ATP8B4: variants seen among roughly 807,000 people sequenced by gnomAD.
ATP8B4 encodes the protein ATPase phospholipid transporting 8B4 (putative), also known as probable phospholipid-transporting ATPase IM.
In ATP8B4, 133 loss-of-function variants were observed where a neutral mutation model predicts 145.6. The observed-to-expected ratio is 0.91, with a 90% confidence interval of 0.79 to 1.05. The LOEUF is 1.05. Ranked by LOEUF, ATP8B4 falls within the 50% of genes least tolerant of loss-of-function variation. The pLI, the probability that ATP8B4 is intolerant of heterozygous loss-of-function variation, is 0.00. For missense variants in ATP8B4, 1,458 were observed against 1,425.2 expected (o/e 1.02, Z -0.37); for synonymous variants, 507 against 492.9 (o/e 1.03, Z -0.38).
At chr15:50,053,532 C>T (rs2052353373) in intron 3 of ATP8B4, among the ~76,000 whole-genome samples, 1 of 152,260 alleles carries the variant, frequency 6.6e-6, no homozygotes, top group Non-Finnish European at 1.5e-5. Flanking sequence ...AGCCCTCGTT[C>T]TACTGCCTGA....
intron 2 of ATP8B4, among the ~76,000 whole-genome samples, chr15:50,084,980 G>A (rs2054801677): frequency 6.6e-6 from 1 of 152,146 alleles, no homozygotes; most frequent in Non-Finnish European, 1.5e-5. Context: ...GTATTCACAG[G>A]TTCTGGGACG....
At chr15:49,950,058 T>C (rs1029375903) in intron 14 of ATP8B4, among the ~76,000 whole-genome samples, 1 of 152,204 alleles carries the variant, frequency 6.6e-6, no homozygotes, top group South Asian at 2.1e-4. Flanking sequence ...TGGATTCAGT[T>C]TGCCAGTATT....
chr15:50,055,154 T>G (rs1186674830), intron 3 of ATP8B4, among the ~76,000 whole-genome samples: 1 of 152,080 alleles, frequency 6.6e-6, no homozygotes, highest in East Asian at 1.9e-4. Context: ...GGGCTATGAG[T>G]GGGGAGGCTG....
At chr15:50,149,917 A>G (rs1332397942) in intron 1 of ATP8B4, among the ~76,000 whole-genome samples, 1 of 152,176 alleles carries the variant, frequency 6.6e-6, no homozygotes, top group Non-Finnish European at 1.5e-5. Context: ...CCTGGCCAAC[A>G]TGGCAAAACG....
chr15:50,088,363 C>T (rs113214437), intron 2 of ATP8B4, among the ~76,000 whole-genome samples: 10,152 of 148,596 alleles, frequency 0.068, 451 homozygotes, highest in Middle Eastern at 0.11. Context: ...AAACAAAAAA[C>T]AAACAAACAA....
intron 9 of ATP8B4, among the ~76,000 whole-genome samples, chr15:49,990,516 TC>T (rs2153546790): frequency 6.6e-6 from 1 of 152,250 alleles, no homozygotes; most frequent in East Asian, 1.9e-4. Context: ...TTGCAATTTA[TC>T]CATTTGACAA....
intron 27 of ATP8B4, among the ~76,000 whole-genome samples, chr15:49,860,975 G>A (rs1466095327): frequency 1.3e-5 from 2 of 152,042 alleles, no homozygotes; most frequent in Admixed American, 6.6e-5. Flanking sequence ...GATTTCTTAG[G>A]TTTGTATGGC....
intron 23 of ATP8B4, chr15:49,880,231 T>C (rs2035175006): frequency 6.6e-6 from 1 of 152,236 alleles, no homozygotes; most frequent in Admixed American, 6.5e-5. Context: ...GTAATTGTAA[T>C]ACAGCAGATT....
chr15:49,996,709 C>T lies in ATP8B4; in HGVS notation c.557G>A (p.Gly186Glu). The stretch of plus-strand genomic sequence containing the variant: ...CCCTGCAAGTCTGCTGATATCTGCT[C>T]CAAGTTCTGAAGTAACTGATAGTGC... ...RHALSVTSEL[G>E]ADISRLAGFD... is the part of the protein sequence containing the mutation. The change falls in exon 9 of 28, where the codon GGA becomes GAA. Residue 186 changes from glycine to glutamate, a missense_variant. Gly to Glu is a moderately conservative substitution (Grantham distance 98). Coordinates refer to ENST00000284509, the MANE Select transcript of ATP8B4 (RefSeq NM_024837.4). 1 of 1,610,546 alleles carries T rather than the reference C, an allele frequency of 6.2e-7. No homozygotes were observed. Among genetic ancestry groups the T allele is most frequent in the Non-Finnish European group, 8.5e-7 (1 of 1,177,588 alleles).
At chr15:49,868,714 C>T (rs2033210484) in intron 25 of ATP8B4, among the ~76,000 whole-genome samples, 1 of 151,824 alleles carries the variant, frequency 6.6e-6, no homozygotes, top group Non-Finnish European at 1.5e-5. Flanking sequence ...AAAAACATTG[C>T]CAAAACTGTT....
At chr15:50,087,652 G>A (rs1429061470) in intron 2 of ATP8B4, among the ~76,000 whole-genome samples, 1 of 151,912 alleles carries the variant, frequency 6.6e-6, no homozygotes, top group Non-Finnish European at 1.5e-5. Flanking sequence ...CTTATGGCAA[G>A]TATATCTGTA....
chr15:49,926,025 A>T (rs916899555), intron 16 of ATP8B4, among the ~76,000 whole-genome samples: 1 of 152,004 alleles, frequency 6.6e-6, no homozygotes, highest in Non-Finnish European at 1.5e-5. Flanking sequence ...TGTTCTTCAG[A>T]GATTTACTTG....
At chr15:49,938,276 G>T (rs191193765) in intron 14 of ATP8B4, among the ~76,000 whole-genome samples, 1 of 152,156 alleles carries the variant, frequency 6.6e-6, no homozygotes, top group Admixed American at 6.5e-5. Flanking sequence ...GGTCAAAACT[G>T]CCCATATCAA....
intron 3 of ATP8B4, among the ~76,000 whole-genome samples, chr15:50,057,797 G>C (rs918242935): frequency 2.3e-4 from 35 of 152,290 alleles, no homozygotes; most frequent in African/African-American, 8.2e-4. Flanking sequence ...CTAGTAAATG[G>C]CCTAGGAATA....
At chr15:49,954,936 G>A (rs2043425879) in intron 14 of ATP8B4, among the ~76,000 whole-genome samples, 1 of 152,188 alleles carries the variant, frequency 6.6e-6, no homozygotes, top group Non-Finnish European at 1.5e-5. Context: ...ATGCCCATCA[G>A]CGGTGGATAG....
At chr15:50,088,884 G>A (rs977821551) in intron 2 of ATP8B4, among the ~76,000 whole-genome samples, 4 of 152,186 alleles carry the variant, frequency 2.6e-5, no homozygotes, top group Non-Finnish European at 5.9e-5. Context: ...ATCAATAAGT[G>A]AATGAATGGT....
At chr15:50,109,959 A>G (rs1285372319) in intron 1 of ATP8B4, among the ~76,000 whole-genome samples, 1 of 152,170 alleles carries the variant, frequency 6.6e-6, no homozygotes, top group Non-Finnish European at 1.5e-5. Flanking sequence ...ATTCTTCCAT[A>G]TTCTTCCTAA....
chr15:49,950,541 C>T (rs1404358486), intron 14 of ATP8B4, among the ~76,000 whole-genome samples: 1 of 140,350 alleles, frequency 7.1e-6, no homozygotes, highest in African/African-American at 2.7e-5. Context: ...CTGTTTGATT[C>T]TTCTCTCTCT....
chr15:49,866,452 A>G lies in ATP8B4; in HGVS notation c.3060T>C (p.Ile1020=), dbSNP rs1302618765. ...IALDTSYWTF[I]NHVFIWGSIA... ...TGCTCCCCCAGATGAAGACGTGATTAATGAAAGTCCAGTAACTGGTATCCA... is the reference window on the plus strand; with the variant it reads ...TGCTCCCCCAGATGAAGACGTGATTGATGAAAGTCCAGTAACTGGTATCCA... Residue 1020 remains isoleucine, a synonymous_variant, in exon 26 of 28, where the codon ATT becomes ATC. Transcript: ENST00000284509. 29 of 1,613,820 alleles carry G rather than the reference A, an allele frequency of 1.8e-5. No homozygotes were observed. Among genetic ancestry groups the G allele is most frequent in the Non-Finnish European group, 2.4e-5 (28 of 1,179,676 alleles).
Sources: gnomAD v4.1 joint callset for allele counts (sites outside exome capture counted in the v4.1 genomes callset) on GRCh38, gnomAD v4.1.1 for gene constraint, MANE v1.5 for transcripts, NCBI Gene and HGNC (gene_info 2026-07-23, HGNC 2026-07-21) for gene names.